Variants in RBL1 observed in about 807,000 individuals in gnomAD.
The protein encoded by RBL1 is RB transcriptional corepressor like 1.
A neutral mutation model predicts 123.0 loss-of-function variants in RBL1; 82 were observed. The observed-to-expected ratio is 0.67, with a 90% CI of 0.56 to 0.80. The LOEUF is 0.80. Ranked by LOEUF, RBL1 falls within the 30% of genes least tolerant of loss-of-function variation. The pLI is 0.00. For synonymous variants in RBL1, 405 were observed against 441.3 expected (o/e 0.92, Z 1.03); for missense variants, 1,171 against 1,299.6 (o/e 0.90, Z 1.52).
chr20:37,000,257 A>G, intron 21 of RBL1, among the ~76,000 whole-genome samples: 1 of 141,506 alleles, frequency 7.1e-6, no homozygotes, highest in Non-Finnish European at 1.5e-5. Flanking sequence ...TCCGCCCGGC[A>G]GCCACTCCGT....
chr20:37,064,882 T>TCCCAA (rs1161368493), intron 7 of RBL1, among the ~76,000 whole-genome samples: 2 of 151,666 alleles, frequency 1.3e-5, no homozygotes, highest in Non-Finnish European at 2.9e-5. Flanking sequence ...CGCCTTGGCC[T>TCCCAA]CCCAAAGTGT....
At chr20:37,086,294 CAT>C (rs749215267) in intron 2 of RBL1, among the ~76,000 whole-genome samples, 5 of 152,106 alleles carry the variant, frequency 3.3e-5, no homozygotes, top group Non-Finnish European at 7.4e-5. Flanking sequence ...TGTTTAAAAA[CAT>C]TTTTTTTAGG....
At chr20:37,008,776 A>G (rs1028181507) in intron 19 of RBL1, among the ~76,000 whole-genome samples, 1 of 141,224 alleles carries the variant, frequency 7.1e-6, no homozygotes, top group Admixed American at 7.0e-5. Context: ...GCCCCAGGGG[A>G]TGTCAGTCTT....
intron 2 of RBL1, among the ~76,000 whole-genome samples, chr20:37,078,379 G>T (rs1257838094): frequency 6.6e-6 from 1 of 152,124 alleles, no homozygotes; most frequent in Non-Finnish European, 1.5e-5. Flanking sequence ...TTATTACTAT[G>T]AGGTTGCAAA....
intron 20 of RBL1, among the ~76,000 whole-genome samples, chr20:37,004,602 A>G (rs1246363892): frequency 2.0e-5 from 3 of 146,366 alleles, no homozygotes. Flanking sequence ...AATCCGAGCT[A>G]TTTGGGAGGC....
intron 19 of RBL1, among the ~76,000 whole-genome samples, chr20:37,015,538 C>T (rs2064236152): frequency 6.6e-6 from 1 of 151,786 alleles, no homozygotes; most frequent in Non-Finnish European, 1.5e-5. Flanking sequence ...TCATGCCCTT[C>T]TCCTACCTCA....
chr20:36,999,000 T>C (rs2063921012), intron 21 of RBL1, 71 bp from the exon 22 acceptor site: 2 of 1,459,072 alleles, frequency 1.4e-6, no homozygotes, highest in Non-Finnish European at 1.9e-6. Flanking sequence ...ACCAAGCTAA[T>C]TGTTTTTTCC....
chr20:37,060,651 T>C (rs1030714758), intron 9 of RBL1, among the ~76,000 whole-genome samples: 3 of 151,942 alleles, frequency 2.0e-5, no homozygotes, highest in African/African-American at 7.3e-5. Context: ...GCATGGTGGC[T>C]TGCACCTGTA....
chr20:37,030,409 A>G (rs1404808650), intron 16 of RBL1, among the ~76,000 whole-genome samples: 1 of 152,182 alleles, frequency 6.6e-6, no homozygotes, highest in Admixed American at 6.6e-5. Context: ...TTAGACCCTT[A>G]TCTAACACCA....
Position 37,007,546 on chromosome 20 carries a change from A to G in RBL1, c.2736T>C (p.Ala912=), listed in dbSNP as rs763698232. ...CACTGGAACAGTCAGGTGTTTTTGT[A>G]GCATCTTCTAAGTCTGTTAAAAAGA... is the stretch of plus-strand genomic sequence containing the variant. ...FEMIDCDLED[A]TKTPDCSSGP... is the part of the protein sequence containing the mutation. Residue 912 remains alanine, a synonymous_variant, in exon 20 of 22, where the codon GCT becomes GCC. Coordinates refer to ENST00000373664, the MANE Select transcript of RBL1 (RefSeq NM_002895.5). The G allele has an allele frequency of 1.2e-5, 19 of 1,613,164 alleles. No homozygotes were observed. Among genetic ancestry groups the G allele is most frequent in the Admixed American group, 1.7e-5 (1 of 59,758 alleles).
intron 2 of RBL1, among the ~76,000 whole-genome samples, chr20:37,072,032 C>G (rs2065289083): frequency 2.6e-5 from 4 of 152,162 alleles, no homozygotes; most frequent in African/African-American, 7.2e-5. Context: ...ATACAGCATT[C>G]AAACTCTGGA....
chr20:37,050,780 T>C (rs536124994), intron 11 of RBL1, among the ~76,000 whole-genome samples: 3 of 150,830 alleles, frequency 2.0e-5, no homozygotes, highest in Non-Finnish European at 3.0e-5. Context: ...GACAGACACA[T>C]GAATGAAAAA....
chr20:37,056,861 ATT>A (rs905680191), intron 9 of RBL1, among the ~76,000 whole-genome samples: 3 of 152,118 alleles, frequency 2.0e-5, no homozygotes, highest in African/African-American at 7.2e-5. Flanking sequence ...ATCATGCAGT[ATT>A]TTGTCTTTTT....
chr20:37,027,815 C>A (rs6030847), intron 16 of RBL1, among the ~76,000 whole-genome samples: 2 of 152,126 alleles, frequency 1.3e-5, no homozygotes, highest in African/African-American at 4.8e-5. Flanking sequence ...AGTGTAGTAG[C>A]ACCTTCTTAG....
At chr20:37,038,759 C>T (rs1344591401) in intron 14 of RBL1, among the ~76,000 whole-genome samples, 1 of 151,682 alleles carries the variant, frequency 6.6e-6, no homozygotes, top group African/African-American at 2.4e-5. Flanking sequence ...CCCGCCACCA[C>T]ACCCAGCTAA....
intron 7 of RBL1, among the ~76,000 whole-genome samples, chr20:37,063,378 G>A (rs769920297): frequency 6.6e-6 from 1 of 152,130 alleles, no homozygotes; most frequent in Non-Finnish European, 1.5e-5. Flanking sequence ...GCTGGGTGTG[G>A]TGGGTCATGC....
At chr20:37,001,134 C>G (rs1354244037) in intron 21 of RBL1, among the ~76,000 whole-genome samples, 1 of 148,778 alleles carries the variant, frequency 6.7e-6, no homozygotes, top group Non-Finnish European at 1.5e-5. Flanking sequence ...GGGGGGTCAG[C>G]CCCCCGCCCG....
At chr20:37,093,553 C>G (rs759877344) in intron 1 of RBL1, among the ~76,000 whole-genome samples, 8 of 152,106 alleles carry the variant, frequency 5.3e-5, no homozygotes, top group Non-Finnish European at 1.0e-4. Flanking sequence ...GCAGGAACAT[C>G]ACTTGAGCAC....
At chr20:37,015,755 T>G (rs1568824920) in intron 19 of RBL1, among the ~76,000 whole-genome samples, 1 of 151,126 alleles carries the variant, frequency 6.6e-6, no homozygotes, top group Admixed American at 6.6e-5. Context: ...AGATAGAGTC[T>G]AGCTCTGTCG....
Sources: gnomAD v4.1 joint callset for allele counts (sites outside exome capture counted in the v4.1 genomes callset) on GRCh38, gnomAD v4.1.1 for gene constraint, MANE v1.5 for transcripts, NCBI Gene and HGNC (gene_info 2026-07-23, HGNC 2026-07-21) for gene names.